RFTN2: variants seen among roughly 807,000 people sequenced by gnomAD.
The protein encoded by RFTN2 is raftlin-2.
A neutral mutation model predicts 52.7 loss-of-function variants in RFTN2; 34 were observed. The ratio of observed to expected loss-of-function variants is 0.64; its 90% CI spans 0.49 to 0.86. The LOEUF (loss-of-function observed/expected upper bound fraction) is 0.86. RFTN2 is among the 40% of genes least tolerant of loss of function. The pLI is 0.00. For synonymous variants in RFTN2, 203 were observed against 217.7 expected, an observed-to-expected ratio of 0.93 and a Z score of 0.59; for missense variants, 536 against 600.1, an observed-to-expected ratio of 0.89 and a Z score of 1.12.
chr2:197,618,815 G>A (rs1283368943), intron 5 of RFTN2, among the ~76,000 whole-genome samples: 3 of 149,578 alleles, frequency 2.0e-5, no homozygotes, highest in Non-Finnish European at 4.4e-5. Context: ...CCTGGCAACC[G>A]CCCCGTCTGA....
rs924529144 is a variant in RFTN2, at chr2:197,587,258, A to G, written c.1233+8733T>C. Among the ~76,000 whole-genome samples, 18 of 152,154 alleles carry G rather than the reference A, an allele frequency of 1.2e-4. No individual in the cohort carries two copies. The Middle Eastern group carries it at 0.01, about 86-fold the overall frequency. On this transcript the variant is annotated intron_variant, in intron 8 of 8. Transcript: ENST00000295049. ...CCTGCTTGAAGCAGCCCTGAGAAAC[A>G]TCGCCCATTATCTCTCCATACCACC...
chr2:197,658,967 T>A (rs192929598), intron 1 of RFTN2, among the ~76,000 whole-genome samples: 72 of 152,294 alleles, frequency 4.7e-4, no homozygotes, highest in African/African-American at 1.7e-3. Context: ...GTTTCTAAAA[T>A]AAACATCAAA....
chr2:197,664,179 A>T (rs762345964), intron 1 of RFTN2, among the ~76,000 whole-genome samples: 13 of 152,022 alleles, frequency 8.6e-5, no homozygotes, highest in African/African-American at 2.2e-4. Flanking sequence ...TTCCATTTTT[A>T]AAAAAAATTG....
intron 1 of RFTN2, among the ~76,000 whole-genome samples, chr2:197,655,047 A>G (rs996492914): frequency 1.3e-5 from 2 of 152,116 alleles, no homozygotes; most frequent in African/African-American, 4.8e-5. Context: ...AAAACTATAC[A>G]AACATTAGTC....
intron 7 of RFTN2, among the ~76,000 whole-genome samples, chr2:197,612,978 G>A (rs956359444): frequency 2.6e-5 from 4 of 152,164 alleles, no homozygotes; most frequent in Admixed American, 6.6e-5. Context: ...TTATGTTTTC[G>A]ACATGTGGGC....
intron 2 of RFTN2, among the ~76,000 whole-genome samples, chr2:197,645,418 T>C (rs1259174092): frequency 6.6e-6 from 1 of 152,204 alleles, no homozygotes; most frequent in African/African-American, 2.4e-5. Flanking sequence ...AAGGACACAC[T>C]TCTTAGAATG....
At chr2:197,603,300 A>G (rs1285923431) in intron 7 of RFTN2, among the ~76,000 whole-genome samples, 1 of 152,218 alleles carries the variant, frequency 6.6e-6, no homozygotes, top group Non-Finnish European at 1.5e-5. Flanking sequence ...ACAATATACT[A>G]AAAAGGGTAA....
At chr2:197,636,967 C>T (rs1444064431) in intron 3 of RFTN2, among the ~76,000 whole-genome samples, 1 of 152,112 alleles carries the variant, frequency 6.6e-6, no homozygotes, top group East Asian at 1.9e-4. Flanking sequence ...TAAATTTTGT[C>T]AAAGGCCTTT....
chr2:197,611,026 T>C (rs2088048833), intron 7 of RFTN2, among the ~76,000 whole-genome samples: 1 of 152,260 alleles, frequency 6.6e-6, no homozygotes, highest in Non-Finnish European at 1.5e-5. Context: ...AGTATTTTAT[T>C]GATGAGCTTC....
intron 7 of RFTN2, among the ~76,000 whole-genome samples, chr2:197,613,189 A>C (rs1442783946): frequency 6.6e-6 from 1 of 152,196 alleles, no homozygotes; most frequent in African/African-American, 2.4e-5. Flanking sequence ...CCATCCCTGA[A>C]CATTGGTTTC....
chr2:197,641,848 C>T (rs1462985833), intron 3 of RFTN2, among the ~76,000 whole-genome samples: 1 of 152,176 alleles, frequency 6.6e-6, no homozygotes, highest in East Asian at 1.9e-4. Context: ...TTTCCTGAAG[C>T]TTTTCTCTTA....
intron 5 of RFTN2, among the ~76,000 whole-genome samples, chr2:197,624,802 A>T (rs2088327560): frequency 6.6e-6 from 1 of 151,958 alleles, no homozygotes; most frequent in African/African-American, 2.4e-5. Flanking sequence ...CTCTAAAAAA[A>T]TAGCCAGTGT....
At chr2:197,647,518 T>A (rs997010370) in intron 1 of RFTN2, among the ~76,000 whole-genome samples, 1 of 152,202 alleles carries the variant, frequency 6.6e-6, no homozygotes, top group African/African-American at 2.4e-5. Context: ...CCGAGATGCA[T>A]AATTTCTTAA....
At position 197,617,810 on chromosome 2, in the gene RFTN2, G is replaced by C. The variant is rs758489806; in HGVS notation, c.1040C>G (p.Thr347Ser). Residue 347 changes from threonine (T) to serine (S), a missense_variant, in exon 6 of 9, where the codon ACT (threonine) becomes AGT (serine). Coordinates refer to ENST00000295049, the MANE Select transcript of RFTN2 (RefSeq NM_144629.3). Reference sequence around the variant, plus strand: ...AAAACTGCAGCTCACCTCAATAACAGTCCATTGTTCTACTACGATGGCATC... The same window carrying C: ...AAAACTGCAGCTCACCTCAATAACACTCCATTGTTCTACTACGATGGCATC... ...GNDAIVVEQWTVIEGCEIKTD... is the reference protein window; with the variant it reads ...GNDAIVVEQWSVIEGCEIKTD... 1.3e-6 allele frequency: 2 copies of C among 1,588,776 alleles called. No homozygotes were observed. Among genetic ancestry groups the C allele is most frequent in the Non-Finnish European group, 1.7e-6 (2 of 1,165,108 alleles).
chr2:197,593,585 G>C (rs2087749934), intron 8 of RFTN2, among the ~76,000 whole-genome samples: 1 of 152,002 alleles, frequency 6.6e-6, no homozygotes, highest in Non-Finnish European at 1.5e-5. Context: ...GCCATTTGTA[G>C]AATGTTAAAA....
chr2:197,581,748 TC>T (rs1218405129), intron 8 of RFTN2, among the ~76,000 whole-genome samples: 3 of 152,202 alleles, frequency 2.0e-5, no homozygotes, highest in Non-Finnish European at 4.4e-5. Flanking sequence ...GCCGATCATG[TC>T]CAACTGATCT....
intron 8 of RFTN2, among the ~76,000 whole-genome samples, chr2:197,590,995 T>C (rs1296622271): frequency 6.6e-6 from 1 of 152,240 alleles, no homozygotes; most frequent in Middle Eastern, 3.4e-3. Flanking sequence ...TATTCTCTTA[T>C]CTGGCCCCAC....
intron 5 of RFTN2, among the ~76,000 whole-genome samples, chr2:197,620,499 T>C (rs766478752): frequency 6.6e-6 from 1 of 152,236 alleles, no homozygotes; most frequent in Non-Finnish European, 1.5e-5. Context: ...TTTCAAAGGA[T>C]CTTTTAAGCT....
At chr2:197,633,217 A>C (rs1393758200) in intron 4 of RFTN2, among the ~76,000 whole-genome samples, 1 of 152,248 alleles carries the variant, frequency 6.6e-6, no homozygotes, top group Non-Finnish European at 1.5e-5. Context: ...TTTAGGATGC[A>C]GGCACTATTG....
Sources: allele counts gnomAD v4.1 joint callset (sites outside exome capture counted in the v4.1 genomes callset), GRCh38; gene constraint gnomAD v4.1.1; transcripts MANE v1.5; gene names NCBI Gene and HGNC (gene_info 2026-07-23, HGNC 2026-07-21).